Variants in APBA2 observed in about 807,000 individuals in gnomAD.
APBA2 encodes the protein amyloid-beta A4 precursor protein-binding family A member 2.
In APBA2, 30 loss-of-function variants were observed where a neutral mutation model predicts 75.0. The ratio of observed to expected loss-of-function variants is 0.40; its 90% CI spans 0.30 to 0.54. The LOEUF (loss-of-function observed/expected upper bound fraction) is 0.54. APBA2 is among the 20% of genes least tolerant of loss of function. The pLI, the probability that APBA2 is intolerant of heterozygous loss-of-function variation, is 0.49. For synonymous variants in APBA2, 444 were observed against 409.6 expected (o/e 1.08, Z -1.01); for missense variants, 801 against 1,016.1 (o/e 0.79, Z 2.88).
intron 1 of APBA2, among the ~76,000 whole-genome samples, chr15:28,903,955 T>C (rs931332466): frequency 6.6e-6 from 1 of 152,116 alleles, no homozygotes; most frequent in Non-Finnish European, 1.5e-5. Flanking sequence ...CATCCGGATT[T>C]TGTGACAAAA....
intron 4 of APBA2, among the ~76,000 whole-genome samples, chr15:29,064,469 C>T (rs1456947990): frequency 1.3e-5 from 2 of 152,162 alleles, no homozygotes; most frequent in Non-Finnish European, 2.9e-5. Context: ...AGACTCTCCC[C>T]GCCCCCATCC....
rs199757047 is a variant in APBA2 at position 29,101,724 on chromosome 15, C to T, written c.1464C>T (p.Pro488=). The change falls in exon 10 of 15, where the codon CCC becomes CCT. Residue 488 remains proline (P), a synonymous_variant. Transcript: ENST00000683413. ...CTCAGGACTGCATCGAGACCACGCC[C>T]GGGGCCCAGGAAGGCAAGAAGCAGT... ...SASQDCIETT[P]GAQEGKKQYK... The T allele has an allele frequency of 7.3e-5, 118 of 1,613,668 alleles. No individual in the cohort carries two copies. Among genetic ancestry groups the T allele is most frequent in the Non-Finnish European group, 8.3e-5 (98 of 1,180,040 alleles).
chr15:29,007,284 C>G (rs1385766265), intron 3 of APBA2, among the ~76,000 whole-genome samples: 2 of 152,148 alleles, frequency 1.3e-5, no homozygotes, highest in African/African-American at 4.8e-5. Flanking sequence ...CCATAAAACT[C>G]AGAAGAAAAC....
intron 4 of APBA2, among the ~76,000 whole-genome samples, chr15:29,062,820 C>G (rs2042188891): frequency 6.6e-6 from 1 of 152,306 alleles, no homozygotes; most frequent in South Asian, 2.1e-4. Flanking sequence ...AGCCGGCATC[C>G]CACCCGGCTG....
At chr15:29,063,861 A>AG (rs1476760984) in intron 4 of APBA2, among the ~76,000 whole-genome samples, 1 of 151,976 alleles carries the variant, frequency 6.6e-6, no homozygotes, top group African/African-American at 2.4e-5. Flanking sequence ...AGTGACACAA[A>AG]GGAGGTGGTG....
chr15:29,086,096 C>T (rs1352011782), intron 6 of APBA2, among the ~76,000 whole-genome samples: 1 of 152,206 alleles, frequency 6.6e-6, no homozygotes, highest in Non-Finnish European at 1.5e-5. Context: ...CTTGTCCTTT[C>T]TTGTTCTCTC....
chr15:29,064,655 A>G (rs536122785), intron 4 of APBA2, among the ~76,000 whole-genome samples: 1 of 152,142 alleles, frequency 6.6e-6, no homozygotes, highest in Non-Finnish European at 1.5e-5. Flanking sequence ...TGGAATCGTG[A>G]TGTGGCTTTG....
intron 3 of APBA2, among the ~76,000 whole-genome samples, chr15:29,049,620 G>C (rs565891110): frequency 6.6e-6 from 1 of 152,156 alleles, no homozygotes; most frequent in Non-Finnish European, 1.5e-5. Flanking sequence ...CAACAGTGAA[G>C]TCCCAGATGA....
At position 29,053,937 on chromosome 15, in the gene APBA2, T is replaced by C; in HGVS notation, c.53T>C (p.Val18Ala). The C allele has an allele frequency of 6.2e-7, 1 of 1,613,534 alleles. No individual in the cohort carries two copies. Among genetic ancestry groups the C allele is most frequent in the Non-Finnish European group, 8.5e-7 (1 of 1,179,832 alleles). Residue 18 changes from valine to alanine, a missense_variant, in exon 4 of 15, where the codon GTG becomes GCG. Val to Ala is a moderately conservative substitution (Grantham distance 64). Coordinates refer to ENST00000683413, the MANE Select transcript of APBA2 (RefSeq NM_001353788.2). ...GGGAGCGGCATGTTGGACCATAGGG[T>C]GAGACCAGGTCCTGTCCCTCACAGC... ...SVGSGMLDHR[V>A]RPGPVPHSQE...
chr15:29,000,301 T>C (rs1228116397), intron 3 of APBA2, among the ~76,000 whole-genome samples: 1 of 152,200 alleles, frequency 6.6e-6, no homozygotes, highest in East Asian at 1.9e-4. Context: ...TGAATGATAG[T>C]GATCCTGAGA....
At chr15:29,075,532 T>G (rs2042813480) in intron 5 of APBA2, among the ~76,000 whole-genome samples, 1 of 152,150 alleles carries the variant, frequency 6.6e-6, no homozygotes, top group African/African-American at 2.4e-5. Context: ...TGATGTCCCT[T>G]TGGGAACAAA....
Position 28,963,509 on chromosome 15 carries a change from G to A in APBA2, c.-94-32244G>A, listed in dbSNP as rs1241554314. ...TCTCCAAGCCACACAGCTAACAGGTGCCAGAGTCGGAATTTGAACTCAGCT... is the reference window on the plus strand; with the variant it reads ...TCTCCAAGCCACACAGCTAACAGGTACCAGAGTCGGAATTTGAACTCAGCT... On this transcript the variant is annotated intron_variant, in intron 2 of 14. Transcript: ENST00000683413. 2.6e-5 allele frequency among the ~76,000 whole-genome samples: 4 copies of A among 152,190 alleles called. No homozygotes were observed. In the East Asian group the frequency reaches 7.7e-4, roughly 29 times the overall value.
intron 2 of APBA2, among the ~76,000 whole-genome samples, chr15:28,944,473 G>A (rs934061237): frequency 2.0e-5 from 3 of 152,176 alleles, no homozygotes; most frequent in Admixed American, 6.5e-5. Context: ...CCGCCCTTCC[G>A]CAGGACACCT....
At chr15:28,999,769 C>T (rs186136008) in intron 3 of APBA2, among the ~76,000 whole-genome samples, 6 of 152,276 alleles carry the variant, frequency 3.9e-5, no homozygotes, top group East Asian at 1.9e-4. Flanking sequence ...ATCGATCAAT[C>T]GATTGATTGG....
Position 28,986,415 on chromosome 15 carries a change from G to C in APBA2, c.-94-9338G>C, listed in dbSNP as rs182440022. On this transcript the variant is annotated intron_variant, in intron 2 of 14. Transcript: ENST00000683413. ...CCTGTTTCGTAGGAACACTCAGCCT[G>C]TTCCGTAAGAAGGAGCGCCACTTCT... Among the ~76,000 whole-genome samples, 12 of 152,318 alleles carry C rather than the reference G, an allele frequency of 7.9e-5. 1 individual carries two copies. The highest frequency in any genetic ancestry group is 2.2e-4 in the African/African-American group (9 of 41,558).
At chr15:29,057,526 G>A (rs906884219) in intron 4 of APBA2, among the ~76,000 whole-genome samples, 1 of 152,220 alleles carries the variant, frequency 6.6e-6, no homozygotes, top group African/African-American at 2.4e-5. Flanking sequence ...TATTTCATCA[G>A]TGTGCCTTTT....
chr15:29,029,797 G>C (rs917660348), intron 3 of APBA2, among the ~76,000 whole-genome samples: 2 of 152,200 alleles, frequency 1.3e-5, no homozygotes, highest in Non-Finnish European at 2.9e-5. Context: ...CACTGGTCTA[G>C]AGATGCTGTT....
rs144049257 is a variant in APBA2, at chr15:29,067,866, T to G, written c.952-7055T>G. 2.3e-3 allele frequency among the ~76,000 whole-genome samples: 355 copies of G among 152,298 alleles called. 3 individuals carry two copies. Among genetic ancestry groups the G allele is most frequent in the African/African-American group, 8.0e-3 (334 of 41,558 alleles). On this transcript the variant is annotated intron_variant, in intron 4 of 14. Transcript: ENST00000683413. The stretch of plus-strand genomic sequence containing the variant: ...TGTCTGTAGCCTTAGGCAGTTCCAT[T>G]GAGACTAAGTTTTTTTCTTATTAAG...
chr15:28,924,317 ACATGTAGTG>A (rs2152677000), intron 2 of APBA2, among the ~76,000 whole-genome samples: 1 of 152,250 alleles, frequency 6.6e-6, no homozygotes, highest in South Asian at 2.1e-4. Context: ...TAATTCAGTA[ACATGTAGTG>A]CATTTGCAGT....
Sources: gnomAD v4.1 joint callset for allele counts (sites outside exome capture counted in the v4.1 genomes callset) on GRCh38, gnomAD v4.1.1 for gene constraint, MANE v1.5 for transcripts, NCBI Gene and HGNC (gene_info 2026-07-23, HGNC 2026-07-21) for gene names.